TTC29: variants seen among roughly 807,000 people sequenced by gnomAD.
The protein encoded by TTC29 is tetratricopeptide repeat domain 29, also known as tetratricopeptide repeat protein 29.
In TTC29, 49 loss-of-function variants were observed where a neutral mutation model predicts 58.1. The observed-to-expected ratio is 0.84, with a 90% confidence interval of 0.67 to 1.07. The LOEUF is 1.07. Among genes scored for constraint, TTC29 ranks in the 50% least tolerant of loss-of-function variants. The pLI, the probability that TTC29 is intolerant of heterozygous loss-of-function variation, is 0.00. For missense variants in TTC29, 582 were observed against 555.6 expected (o/e 1.05, Z -0.48); for synonymous variants, 209 against 196.8 (o/e 1.06, Z -0.52).
Position 146,893,213 on chromosome 4 carries a change from G to A in TTC29, c.586+10331C>T, listed in dbSNP as rs1283080846. Among the ~76,000 whole-genome samples, 8 of 152,052 alleles carry A rather than the reference G, an allele frequency of 5.3e-5. No individual in the cohort carries two copies. The East Asian group carries it at 5.8e-4, about 11-fold the overall frequency. On this transcript the variant is annotated intron_variant, in intron 6 of 12. Transcript: ENST00000325106. ...TTCATATGGAACCAAAACAGAGCTCGCATCACCAAGTCAATCCTAAGCCAA... is the reference window on the plus strand; with the variant it reads ...TTCATATGGAACCAAAACAGAGCTCACATCACCAAGTCAATCCTAAGCCAA...
chr4:146,831,393 CT>C (rs953989213), intron 9 of TTC29, among the ~76,000 whole-genome samples: 1 of 152,142 alleles, frequency 6.6e-6, no homozygotes, highest in African/African-American at 2.4e-5. Flanking sequence ...GCCATTGTGC[CT>C]GGCCAGGAAT....
intron 4 of TTC29, among the ~76,000 whole-genome samples, chr4:146,910,777 G>A (rs559474699): frequency 1.2e-3 from 188 of 152,224 alleles, no homozygotes; most frequent in African/African-American, 4.2e-3. Flanking sequence ...GAGACCACAT[G>A]GATCCTAGGT....
chr4:146,746,844 G>A (rs1245570731), intron 11 of TTC29, among the ~76,000 whole-genome samples: 1 of 152,254 alleles, frequency 6.6e-6, no homozygotes, highest in East Asian at 1.9e-4. Flanking sequence ...GAAACCTGTA[G>A]TGCTCTTCCC....
chr4:146,891,660 T>C (rs1418518282), intron 6 of TTC29, among the ~76,000 whole-genome samples: 3 of 152,134 alleles, frequency 2.0e-5, no homozygotes, highest in African/African-American at 4.8e-5. Context: ...GGACTTTTGA[T>C]GTTGATATTA....
intron 4 of TTC29, among the ~76,000 whole-genome samples, chr4:146,928,385 C>T (rs1735080874): frequency 6.6e-6 from 1 of 152,100 alleles, no homozygotes; most frequent in Non-Finnish European, 1.5e-5. Flanking sequence ...ACATATGAGG[C>T]ACTTAAAACA....
rs116003198 is a variant in TTC29, at chr4:146,877,509, C to T, written c.587-2581G>A. 4.0e-3 allele frequency among the ~76,000 whole-genome samples: 605 copies of T among 152,268 alleles called. 6 individuals carry two copies. Among genetic ancestry groups the T allele is most frequent in the African/African-American group, 0.013 (561 of 41,562 alleles). ...CAGGCATAGTTTTTCATCTCTCCCA[C>T]GTAGCACCTCTTGCCAGAAACACCT... On this transcript the variant is annotated intron_variant, in intron 6 of 12. Transcript: ENST00000325106.
At chr4:146,858,769 AG>A (rs1730039478) in intron 8 of TTC29, among the ~76,000 whole-genome samples, 1 of 152,210 alleles carries the variant, frequency 6.6e-6, no homozygotes, top group South Asian at 2.1e-4. Flanking sequence ...CTTACAGAAG[AG>A]GAAACTAATG....
chr4:146,798,682 T>C (rs564042940), intron 11 of TTC29, among the ~76,000 whole-genome samples: 46 of 151,774 alleles, frequency 3.0e-4, no homozygotes, highest in African/African-American at 9.4e-4. Flanking sequence ...CGAGGTCAGA[T>C]TGAGACCATC....
intron 11 of TTC29, among the ~76,000 whole-genome samples, chr4:146,739,212 T>A (rs552877469): frequency 3.9e-5 from 6 of 152,294 alleles, no homozygotes; most frequent in Non-Finnish European, 8.8e-5. Flanking sequence ...AAGGTGGACG[T>A]GTTTTGGTAT....
chr4:146,806,667 C>T (rs1046321753), intron 10 of TTC29, among the ~76,000 whole-genome samples: 2 of 151,234 alleles, frequency 1.3e-5, no homozygotes, highest in Non-Finnish European at 2.9e-5. Context: ...GTAAAGGGAT[C>T]AATGAAGCAA....
At chr4:146,727,549 A>T (rs1225470589) in intron 11 of TTC29, among the ~76,000 whole-genome samples, 1 of 152,152 alleles carries the variant, frequency 6.6e-6, no homozygotes, top group East Asian at 1.9e-4. Flanking sequence ...TCTTTTCCAT[A>T]GTGTTGCCTT....
In TTC29 at chr4:146,874,824, C is replaced by T. The variant is rs532229268; in HGVS notation, c.691G>A (p.Glu231Lys). The change falls in exon 7 of 13, where the codon GAG (glutamate) becomes AAG (lysine). Residue 231 changes from glutamate (E) to lysine (K), a missense_variant. Coordinates refer to ENST00000325106, the MANE Select transcript of TTC29 (RefSeq NM_031956.4). Reference protein sequence around the residue: ...TGRSLNLLACESLLRTYRLLS... With the variant: ...TGRSLNLLACKSLLRTYRLLS... ...AATCTGTAAGTCCTCAGGAGACTCT[C>T]ACAGGCCAACAAGTTGAGAGAGCGG... The T allele has an allele frequency of 6.2e-7, 1 of 1,613,184 alleles. No homozygotes were observed. The highest frequency in any genetic ancestry group is 1.3e-5 in the African/African-American group (1 of 75,022).
intron 10 of TTC29, among the ~76,000 whole-genome samples, chr4:146,808,858 C>T (rs2150125761): frequency 6.6e-6 from 1 of 152,266 alleles, no homozygotes; most frequent in Middle Eastern, 3.4e-3. Flanking sequence ...CTACCATTGA[C>T]TTTCTTCACA....
Position 146,724,558 on chromosome 4 carries a change from G to A in TTC29, c.1331-17007C>T, listed in dbSNP as rs142942852. ...TTATTTTTTTATTTTTTGAGACAGA[G>A]TCTCACTCTGTCATGGCACAAGTTG... On this transcript the variant is annotated intron_variant, in intron 11 of 12. Coordinates refer to ENST00000325106, the MANE Select transcript of TTC29 (RefSeq NM_031956.4). Among the ~76,000 whole-genome samples, 802 of 151,538 alleles carry A rather than the reference G, an allele frequency of 5.3e-3. 11 individuals are homozygous for A. The highest frequency in any genetic ancestry group is 0.018 in the African/African-American group (743 of 41,286).
chr4:146,895,790 C>G (rs1347924730), intron 6 of TTC29, among the ~76,000 whole-genome samples: 1 of 152,128 alleles, frequency 6.6e-6, no homozygotes, highest in Non-Finnish European at 1.5e-5. Context: ...ATAATTATCC[C>G]TCAATAAACC....
chr4:146,846,878 A>T (rs760420607), intron 8 of TTC29, among the ~76,000 whole-genome samples: 2 of 152,132 alleles, frequency 1.3e-5, no homozygotes, highest in African/African-American at 2.4e-5. Flanking sequence ...GCCTTGAAAA[A>T]CATGTTGAGC....
chr4:146,889,094 T>C (rs183641305), intron 6 of TTC29, among the ~76,000 whole-genome samples: 30 of 152,286 alleles, frequency 2.0e-4, no homozygotes, highest in Admixed American at 7.2e-4. Flanking sequence ...TTAACCCCCA[T>C]GTATGAATTT....
intron 9 of TTC29, among the ~76,000 whole-genome samples, chr4:146,830,873 T>C (rs1390894738): frequency 6.6e-6 from 1 of 152,222 alleles, no homozygotes; most frequent in Non-Finnish European, 1.5e-5. Flanking sequence ...AGAATTTACA[T>C]CAAAGCATTT....
chr4:146,851,956 G>A (rs901278196), intron 8 of TTC29, among the ~76,000 whole-genome samples: 38 of 152,288 alleles, frequency 2.5e-4, no homozygotes, highest in African/African-American at 9.1e-4. Context: ...GGTTTTTTGA[G>A]ACGGAGTCTC....
Sources: gnomAD v4.1 joint callset for allele counts (sites outside exome capture counted in the v4.1 genomes callset) on GRCh38, gnomAD v4.1.1 for gene constraint, MANE v1.5 for transcripts, NCBI Gene and HGNC (gene_info 2026-07-23, HGNC 2026-07-21) for gene names.